Variants in DLG2 observed in about 807,000 individuals in gnomAD.
DLG2 encodes the protein discs large MAGUK scaffold protein 2.
Under a neutral mutation model 132.5 loss-of-function variants are expected in DLG2, and 45 were observed. The observed-to-expected ratio is 0.34, with a 90% CI of 0.27 to 0.44. The LOEUF (loss-of-function observed/expected upper bound fraction) is 0.44. Among genes scored for constraint, DLG2 ranks in the 20% least tolerant of loss-of-function variants. The probability of loss-of-function intolerance (pLI) is 1.00; values close to 1 mark genes in which losing one functional copy is unlikely to be tolerated. For synonymous variants in DLG2, 424 were observed against 419.6 expected (o/e 1.01, Z -0.13); for missense variants, 1,045 against 1,196.9 (o/e 0.87, Z 1.87).
In DLG2 at chr11:84,862,733, G is replaced by A. The variant is rs1460964898; in HGVS notation, c.357+248928C>T. Among the ~76,000 whole-genome samples, 9 of 144,282 alleles carry A rather than the reference G, an allele frequency of 6.2e-5. 1 individual carries two copies. The highest frequency in any genetic ancestry group is 2.0e-4 in the African/African-American group (8 of 39,110). 94.7% of individuals were successfully genotyped at this position (144,282 alleles called of 152,430 possible). A position where few individuals can be genotyped will look rare whatever the true frequency, so the allele number is the denominator to read the frequency against. On this transcript the variant is annotated intron_variant, in intron 6 of 27. Transcript: ENST00000376104. ...CTAACACAGGAACAGAAAACCAAAC[G>A]TCGCATGTTCTCACTCATAAATAGG... is the stretch of plus-strand genomic sequence containing the variant.
At chr11:84,828,282 A>G (rs2078598431) in intron 6 of DLG2, among the ~76,000 whole-genome samples, 1 of 151,816 alleles carries the variant, frequency 6.6e-6, no homozygotes. Context: ...GGAATTTTGT[A>G]ACTTTGGTTC....
intron 7 of DLG2, among the ~76,000 whole-genome samples, chr11:84,372,950 A>T (rs768684711): frequency 6.6e-6 from 1 of 152,076 alleles, no homozygotes; most frequent in Non-Finnish European, 1.5e-5. Context: ...ATACCTAAAA[A>T]TATAGCAAGA....
intron 4 of DLG2, among the ~76,000 whole-genome samples, chr11:85,260,967 T>G (rs1248440433): frequency 2.0e-5 from 3 of 152,074 alleles, no homozygotes. Context: ...AATGGTAGAT[T>G]CTTTTTTTTT....
intron 18 of DLG2, among the ~76,000 whole-genome samples, chr11:83,676,230 A>G (rs654217): frequency 0.08 from 12,135 of 152,200 alleles, 624 homozygotes; most frequent in Non-Finnish European, 0.12. Flanking sequence ...GACTATGAAA[A>G]CAAGTTGTCT....
intron 11 of DLG2, among the ~76,000 whole-genome samples, chr11:83,986,558 C>A (rs2093331721): frequency 6.6e-6 from 1 of 151,266 alleles, no homozygotes; most frequent in Admixed American, 6.6e-5. Flanking sequence ...GATTTATAGT[C>A]CTTTGGGTAT....
chr11:85,359,242 A>T (rs1441324222), intron 3 of DLG2, among the ~76,000 whole-genome samples: 1 of 152,216 alleles, frequency 6.6e-6, no homozygotes, highest in African/African-American at 2.4e-5. Context: ...GGTAATTAGG[A>T]TTAGATGAAT....
chr11:84,579,235 C>T (rs892298372), intron 6 of DLG2, among the ~76,000 whole-genome samples: 6 of 147,106 alleles, frequency 4.1e-5, no homozygotes, highest in Admixed American at 1.4e-4. Context: ...TTCTTTTCTA[C>T]ACAACTAATC....
At chr11:85,452,118 T>C (rs1257475633) in intron 3 of DLG2, among the ~76,000 whole-genome samples, 1 of 152,078 alleles carries the variant, frequency 6.6e-6, no homozygotes. Context: ...TTTTACATAA[T>C]ATAAATAAAA....
At chr11:84,759,639 A>T (rs2067334973) in intron 6 of DLG2, among the ~76,000 whole-genome samples, 1 of 152,218 alleles carries the variant, frequency 6.6e-6, no homozygotes, top group African/African-American at 2.4e-5. Flanking sequence ...TTTATGAAAT[A>T]AAAGTTTGTT....
chr11:85,588,442 C>T (rs2079102192), intron 3 of DLG2, among the ~76,000 whole-genome samples: 1 of 152,026 alleles, frequency 6.6e-6, no homozygotes, highest in Non-Finnish European at 1.5e-5. Flanking sequence ...CTCTGACATT[C>T]TTTTTCCTAC....
chr11:84,590,939 C>A (rs1041958661), intron 6 of DLG2, among the ~76,000 whole-genome samples: 4 of 152,060 alleles, frequency 2.6e-5, no homozygotes, highest in African/African-American at 4.8e-5. Context: ...TGGGACAAAT[C>A]AAAAATGCAA....
intron 6 of DLG2, among the ~76,000 whole-genome samples, chr11:85,003,812 G>C (rs2058412163): frequency 6.6e-6 from 1 of 151,986 alleles, no homozygotes. Context: ...ATGGTGGTTT[G>C]CTGCACCCAT....
At chr11:85,510,577 C>A (rs1013087036) in intron 3 of DLG2, among the ~76,000 whole-genome samples, 1 of 152,032 alleles carries the variant, frequency 6.6e-6, no homozygotes, top group Non-Finnish European at 1.5e-5. Context: ...TGAACAGACA[C>A]TTCTCAAAAG....
intron 6 of DLG2, among the ~76,000 whole-genome samples, chr11:85,040,992 C>T (rs369641120): frequency 6.6e-5 from 10 of 151,804 alleles, no homozygotes; most frequent in Non-Finnish European, 1.3e-4. Flanking sequence ...TTAACTATTA[C>T]ATTATATTGC....
At chr11:85,443,375 G>A (rs180712870) in intron 3 of DLG2, among the ~76,000 whole-genome samples, 6 of 152,306 alleles carry the variant, frequency 3.9e-5, no homozygotes, top group Non-Finnish European at 8.8e-5. Context: ...TGTTAAGTGG[G>A]TAATCTAGCT....
intron 7 of DLG2, among the ~76,000 whole-genome samples, chr11:84,364,754 A>G (rs534166909): frequency 5.9e-5 from 9 of 152,280 alleles, no homozygotes; most frequent in East Asian, 1.9e-4. Context: ...CCTTTTCTGC[A>G]TCTATTGAGA....
intron 3 of DLG2, among the ~76,000 whole-genome samples, chr11:85,294,832 T>G (rs1596013259): frequency 6.6e-6 from 1 of 152,168 alleles, no homozygotes; most frequent in Admixed American, 6.6e-5. Flanking sequence ...AATTGTTATT[T>G]ACAAGTTTTT....
At chr11:84,957,948 T>A (rs2051945118) in intron 6 of DLG2, among the ~76,000 whole-genome samples, 1 of 152,184 alleles carries the variant, frequency 6.6e-6, no homozygotes, top group Non-Finnish European at 1.5e-5. Context: ...ATAAGGAGAC[T>A]GAGGGTATTA....
intron 3 of DLG2, among the ~76,000 whole-genome samples, chr11:85,288,789 AAG>A (rs762576025): frequency 5.9e-5 from 9 of 152,152 alleles, no homozygotes; most frequent in Non-Finnish European, 1.3e-4. Context: ...GTAAAATTTC[AAG>A]AGTCTTTTTC....
Sources: gnomAD v4.1 joint callset for allele counts (sites outside exome capture counted in the v4.1 genomes callset) on GRCh38, gnomAD v4.1.1 for gene constraint, MANE v1.5 for transcripts, NCBI Gene and HGNC (gene_info 2026-07-23, HGNC 2026-07-21) for gene names.